FAF2: variants seen among roughly 807,000 people sequenced by gnomAD.
FAF2 encodes the protein FAS-associated factor 2.
FAF2 carries 9 observed loss-of-function variants against 62.3 expected under a neutral mutation model. The ratio of observed to expected loss-of-function variants is 0.14; its 90% CI spans 0.09 to 0.25. FAF2 has a LOEUF of 0.25. FAF2 is among the 10% of genes least tolerant of loss of function. The pLI is 1.00. For synonymous variants in FAF2, 202 were observed against 198.0 expected, an observed-to-expected ratio of 1.02 and a Z score of -0.17; for missense variants, 368 against 556.2, an observed-to-expected ratio of 0.66 and a Z score of 3.40.
intron 10 of FAF2, among the ~76,000 whole-genome samples, chr5:176,505,107 G>T (rs1013648042): frequency 2.0e-5 from 3 of 151,726 alleles, no homozygotes; most frequent in Non-Finnish European, 2.9e-5. Context: ...AAAACCCAGA[G>T]AATTCATCAT....
chr5:176,496,765 CGCT>C (rs1755494896), intron 8 of FAF2, 102 bp downstream of exon 8: 1 of 870,864 alleles, frequency 1.1e-6, no homozygotes, highest in Non-Finnish European at 1.7e-6. Context: ...TGCATCAGGC[CGCT>C]ATTAGCTTTT....
At chr5:176,460,345 A>T (rs937895785) in intron 1 of FAF2, among the ~76,000 whole-genome samples, 1 of 151,924 alleles carries the variant, frequency 6.6e-6, no homozygotes, top group African/African-American at 2.4e-5. Context: ...ACTAACTTAC[A>T]TTCCCACCAG....
intron 1 of FAF2, among the ~76,000 whole-genome samples, chr5:176,461,720 T>G (rs1384599800): frequency 6.6e-6 from 1 of 152,040 alleles, no homozygotes; most frequent in Non-Finnish European, 1.5e-5. Flanking sequence ...TTTGTCAGAT[T>G]CATAGTTTGC....
At chr5:176,490,978 G>A (rs949913041) in intron 4 of FAF2, among the ~76,000 whole-genome samples, 5 of 152,026 alleles carry the variant, frequency 3.3e-5, no homozygotes, top group African/African-American at 9.7e-5. Context: ...CTTTTAATTC[G>A]CTCTGGAACG....
intron 1 of FAF2, among the ~76,000 whole-genome samples, chr5:176,464,317 T>C (rs976723344): frequency 2.0e-5 from 3 of 152,056 alleles, no homozygotes; most frequent in Non-Finnish European, 4.4e-5. Flanking sequence ...ATTCATGTGG[T>C]ATTTATGTAT....
chr5:176,505,564 C>G (rs1755662640), intron 10 of FAF2, among the ~76,000 whole-genome samples: 2 of 152,256 alleles, frequency 1.3e-5, no homozygotes, highest in Middle Eastern at 3.4e-3. Flanking sequence ...GCACCCATCA[C>G]CCGAGCAGTA....
intron 1 of FAF2, among the ~76,000 whole-genome samples, chr5:176,457,313 A>G (rs965960919): frequency 6.6e-5 from 10 of 151,798 alleles, no homozygotes; most frequent in Non-Finnish European, 1.5e-4. Flanking sequence ...CTCAGCTTCC[A>G]GAGTTGCTGG....
At chr5:176,451,398 A>G (rs1231923877) in intron 1 of FAF2, among the ~76,000 whole-genome samples, 2 of 151,806 alleles carry the variant, frequency 1.3e-5, no homozygotes, top group Non-Finnish European at 2.9e-5. Context: ...TTAAGTAGAG[A>G]CGGGAGTCTT....
rs538574273 is a variant in FAF2 at position 176,469,471 on chromosome 5, T to C, written c.64-9717T>C. 3.9e-5 allele frequency among the ~76,000 whole-genome samples: 6 copies of C among 152,304 alleles called. No homozygotes were observed. In the East Asian group the frequency reaches 7.7e-4, roughly 20 times the overall value. On this transcript the variant is annotated intron_variant, in intron 1 of 10. Transcript: ENST00000261942. ...AGCCAAAACTGCAATATTCTTTCTCTCTGAACAAAGCTGGCATTGCAAAAC... is the reference window on the plus strand; with the variant it reads ...AGCCAAAACTGCAATATTCTTTCTCCCTGAACAAAGCTGGCATTGCAAAAC...
At chr5:176,488,889 G>A (rs1381461868) in intron 3 of FAF2, 62 bp from the exon 4 acceptor site, 2 of 1,319,858 alleles carry the variant, frequency 1.5e-6, no homozygotes, top group Admixed American at 1.7e-5. Context: ...ATCTGACCTA[G>A]CCATTTGATA....
intron 1 of FAF2, among the ~76,000 whole-genome samples, chr5:176,476,543 C>T (rs1758693972): frequency 6.7e-6 from 1 of 148,792 alleles, no homozygotes; most frequent in African/African-American, 2.5e-5. Flanking sequence ...ACAATAGGCA[C>T]ATAAGAGACG....
chr5:176,495,385 G>C (rs189114962), intron 7 of FAF2, among the ~76,000 whole-genome samples: 2 of 152,236 alleles, frequency 1.3e-5, no homozygotes, highest in Admixed American at 1.3e-4. Flanking sequence ...CAGAAGGGAG[G>C]TTGTGAATAG....
At chr5:176,488,001 T>A (rs1332680978) in intron 3 of FAF2, among the ~76,000 whole-genome samples, 1 of 151,390 alleles carries the variant, frequency 6.6e-6, no homozygotes, top group African/African-American at 2.4e-5. Flanking sequence ...CACCACCGCG[T>A]CTGGCTAATT....
At chr5:176,489,504 C>A (rs924048500) in intron 4 of FAF2, among the ~76,000 whole-genome samples, 1 of 152,096 alleles carries the variant, frequency 6.6e-6, no homozygotes, top group East Asian at 1.9e-4. Flanking sequence ...TTGGACCTCC[C>A]TAGACACTCC....
intron 3 of FAF2, 79 bp from the exon 4 acceptor site, chr5:176,488,872 T>G: frequency 1.2e-5 from 14 of 1,139,484 alleles, no homozygotes; most frequent in Non-Finnish European, 1.8e-5. Flanking sequence ...CCAAAAAGAG[T>G]GAGAAAATCT....
intron 3 of FAF2, among the ~76,000 whole-genome samples, chr5:176,488,135 A>C (rs1268586546): frequency 1.3e-5 from 2 of 151,634 alleles, no homozygotes; most frequent in African/African-American, 2.4e-5. Context: ...GAGCCACCAC[A>C]CCCAGCTAAT....
rs556904125 is a variant in FAF2, at chr5:176,477,021, G to A, written c.64-2167G>A. On this transcript the variant is annotated intron_variant, in intron 1 of 10. Transcript: ENST00000261942. ...GACGGGGTTTCACCATGTTAGCCAG[G>A]ATGGTCTCGATCTCCTGACTTCGTG... Among the ~76,000 whole-genome samples the A allele has an allele frequency of 8.1e-4, 123 of 151,222 alleles. 1 individual carries two copies. Among genetic ancestry groups the A allele is most frequent in the African/African-American group, 2.9e-3 (118 of 41,268 alleles).
In FAF2 at chr5:176,481,821, A is replaced by T. The variant is rs190195798; in HGVS notation, c.132+2565A>T. Among the ~76,000 whole-genome samples, 209 of 152,222 alleles carry T rather than the reference A, an allele frequency of 1.4e-3. 1 individual carries two copies. Among genetic ancestry groups the T allele is most frequent in the Non-Finnish European group, 2.4e-3 (161 of 68,016 alleles). On this transcript the variant is annotated intron_variant, in intron 2 of 10. Transcript: ENST00000261942. ...GGCCCACGCTACCACACCGGGCCCT[A>T]GCGTTCAAGCTCTTGTGTGAATATG...
chr5:176,464,272 A>G (rs1462876449), intron 1 of FAF2, among the ~76,000 whole-genome samples: 1 of 152,080 alleles, frequency 6.6e-6, no homozygotes, highest in Non-Finnish European at 1.5e-5. Flanking sequence ...TTGCTTGGAT[A>G]AAGAATATTG....
Sources: allele counts gnomAD v4.1 joint callset (sites outside exome capture counted in the v4.1 genomes callset), GRCh38; gene constraint gnomAD v4.1.1; transcripts MANE v1.5; gene names NCBI Gene and HGNC (gene_info 2026-07-23, HGNC 2026-07-21).